The following CSRNP3 variants were observed in gnomAD, a reference collection of about 807,000 sequenced individuals.
CSRNP3 encodes cysteine and serine rich nuclear protein 3, also known as cysteine/serine-rich nuclear protein 3.
A neutral mutation model predicts 48.0 loss-of-function variants in CSRNP3; 12 were observed. The observed-to-expected ratio is 0.25, with a 90% CI of 0.16 to 0.41. The LOEUF (loss-of-function observed/expected upper bound fraction) is 0.41, where lower values mean the gene tolerates loss of function less well. Ranked by LOEUF, CSRNP3 falls within the 10% of genes least tolerant of loss-of-function variation. The probability of loss-of-function intolerance (pLI) is 1.00; values close to 1 mark genes in which losing one functional copy is unlikely to be tolerated. For missense variants in CSRNP3, 580 were observed against 724.4 expected (o/e 0.80, Z 2.29); for synonymous variants, 263 against 269.7 (o/e 0.98, Z 0.24).
At chr2:165,674,952 A>G (rs1367817559) in intron 5 of CSRNP3, among the ~76,000 whole-genome samples, 5 of 151,722 alleles carry the variant, frequency 3.3e-5, no homozygotes, top group South Asian at 4.1e-4. Flanking sequence ...GCCTCAAGCA[A>G]TCTGCCCACC....
At chr2:165,675,164 G>C (rs1170075295) in intron 5 of CSRNP3, among the ~76,000 whole-genome samples, 1 of 152,076 alleles carries the variant, frequency 6.6e-6, no homozygotes, top group African/African-American at 2.4e-5. Context: ...ATTCTTATCT[G>C]AATGTTAGAC....
intron 2 of CSRNP3, among the ~76,000 whole-genome samples, chr2:165,496,040 C>A (rs1684279744): frequency 6.6e-6 from 1 of 151,788 alleles, no homozygotes; most frequent in Non-Finnish European, 1.5e-5. Flanking sequence ...GTTCTGTGAC[C>A]CGAGATCCTA....
At chr2:165,672,543 A>C (rs1393407565) in intron 5 of CSRNP3, among the ~76,000 whole-genome samples, 1 of 152,160 alleles carries the variant, frequency 6.6e-6, no homozygotes, top group Non-Finnish European at 1.5e-5. Context: ...ATTATTTCCT[A>C]CTGGGTCCCT....
chr2:165,473,861 G>T (rs1294385546), intron 1 of CSRNP3, among the ~76,000 whole-genome samples: 1 of 152,026 alleles, frequency 6.6e-6, no homozygotes, highest in African/African-American at 2.4e-5. Flanking sequence ...AATATAACTT[G>T]TAAGGTATTT....
intron 4 of CSRNP3, among the ~76,000 whole-genome samples, chr2:165,597,915 A>G (rs1033960735): frequency 6.6e-6 from 1 of 152,144 alleles, no homozygotes; most frequent in Non-Finnish European, 1.5e-5. Flanking sequence ...TTTCTCCAAT[A>G]AAAAATACTA....
intron 2 of CSRNP3, among the ~76,000 whole-genome samples, chr2:165,497,481 T>C (rs1684299561): frequency 6.6e-6 from 1 of 152,100 alleles, no homozygotes; most frequent in African/African-American, 2.4e-5. Context: ...TCTATCACTA[T>C]GGGTTACTCT....
At chr2:165,574,505 C>A in intron 3 of CSRNP3, 3 of 1,010,412 alleles carry the variant, frequency 3.0e-6, no homozygotes, top group Non-Finnish European at 4.3e-6. Flanking sequence ...TATTTTAATT[C>A]ATCGTGGCAA....
intron 2 of CSRNP3, among the ~76,000 whole-genome samples, chr2:165,512,423 AC>A (rs1185650445): frequency 6.6e-6 from 1 of 152,210 alleles, no homozygotes; most frequent in East Asian, 1.9e-4. Flanking sequence ...GAGAATTATT[AC>A]CTGAACAATT....
intron 2 of CSRNP3, among the ~76,000 whole-genome samples, chr2:165,503,473 C>G (rs945949030): frequency 1.3e-5 from 2 of 151,760 alleles, no homozygotes; most frequent in Admixed American, 1.3e-4. Flanking sequence ...ATTTCATTAT[C>G]TCAGATGAGA....
At chr2:165,673,983 T>C (rs1252805591) in intron 5 of CSRNP3, among the ~76,000 whole-genome samples, 1 of 152,082 alleles carries the variant, frequency 6.6e-6, no homozygotes, top group Non-Finnish European at 1.5e-5. Flanking sequence ...ATTGTGCCAT[T>C]GCACTCCAGC....
Position 165,685,224 on chromosome 2 carries a change from G to C in CSRNP3, c.*5471G>C, listed in dbSNP as rs962314072. 6 of 152,046 alleles carry C rather than the reference G, an allele frequency of 3.9e-5. No individual in the cohort carries two copies. Among genetic ancestry groups the C allele is most frequent in the Non-Finnish European group, 7.4e-5 (5 of 67,982 alleles). 9.4% of individuals were successfully genotyped at this position (152,046 alleles called of 1,614,324 possible). On this transcript the variant is annotated 3_prime_UTR_variant, in exon 7 of 7. Coordinates refer to ENST00000651982, the MANE Select transcript of CSRNP3 (RefSeq NM_001172173.2). ...ATATTCAACGTGAGTCCTTAAAACAGTCACTTCTAAATTTTATTTTGACTC... is the reference window on the plus strand; with the variant it reads ...ATATTCAACGTGAGTCCTTAAAACACTCACTTCTAAATTTTATTTTGACTC...
intron 3 of CSRNP3, among the ~76,000 whole-genome samples, chr2:165,567,162 CA>C (rs760903527): frequency 1.3e-5 from 2 of 152,102 alleles, no homozygotes; most frequent in Non-Finnish European, 2.9e-5. Context: ...TTGACTTTAG[CA>C]TATGCTATTT....
chr2:165,499,943 T>C (rs533151194), intron 2 of CSRNP3, among the ~76,000 whole-genome samples: 1 of 151,754 alleles, frequency 6.6e-6, no homozygotes, highest in African/African-American at 2.4e-5. Flanking sequence ...TTTACAGTTC[T>C]AGACATTTGA....
chr2:165,666,989 AAGAAAG>A lies in CSRNP3; in HGVS notation c.408+8973_408+8978del, dbSNP rs1558968159. Among the ~76,000 whole-genome samples the A allele has an allele frequency of 3.1e-4, 19 of 62,048 alleles. 2 individuals carry two copies. The highest frequency in any genetic ancestry group is 8.6e-4 in the East Asian group (2 of 2,328). The allele number at this position is 62,048 out of a possible 152,430, so 40.7% of individuals were successfully genotyped here. ...AAGGAAGGAAAGAGAGAGAGGAAGA[AAGAAAG>A]AGAGAGAGAGGAAGGAAGGAAGGAA... On this transcript the variant is annotated intron_variant, in intron 5 of 6. Coordinates refer to ENST00000651982, the MANE Select transcript of CSRNP3 (RefSeq NM_001172173.2).
intron 5 of CSRNP3, among the ~76,000 whole-genome samples, chr2:165,669,119 T>G (rs71426774): frequency 0.056 from 8,565 of 152,302 alleles, 299 homozygotes; most frequent in Non-Finnish European, 0.071. Flanking sequence ...ATCATCATCC[T>G]TATTATAATA....
intron 4 of CSRNP3, among the ~76,000 whole-genome samples, chr2:165,654,279 C>T (rs188385295): frequency 1.3e-5 from 2 of 152,252 alleles, no homozygotes; most frequent in Admixed American, 6.5e-5. Flanking sequence ...ACAAATTCTT[C>T]CTTGTTTTGA....
intron 3 of CSRNP3, among the ~76,000 whole-genome samples, chr2:165,567,572 T>C (rs894776329): frequency 2.6e-5 from 4 of 152,064 alleles, no homozygotes; most frequent in Admixed American, 1.3e-4. Flanking sequence ...AATATCCAAA[T>C]AGAATGAAAA....
At chr2:165,489,984 A>G (rs1484272099) in intron 1 of CSRNP3, among the ~76,000 whole-genome samples, 1 of 152,114 alleles carries the variant, frequency 6.6e-6, no homozygotes, top group Non-Finnish European at 1.5e-5. Context: ...AAGGTATTCA[A>G]TTAGGAAAAG....
chr2:165,626,038 C>A (rs1686429045), intron 4 of CSRNP3, among the ~76,000 whole-genome samples: 2 of 151,638 alleles, frequency 1.3e-5, no homozygotes, highest in South Asian at 4.2e-4. Flanking sequence ...GCCTGGCCAA[C>A]CTGGTGAAAC....
Sources: gnomAD v4.1 joint callset for allele counts (sites outside exome capture counted in the v4.1 genomes callset) on GRCh38, gnomAD v4.1.1 for gene constraint, MANE v1.5 for transcripts, NCBI Gene and HGNC (gene_info 2026-07-23, HGNC 2026-07-21) for gene names.